ZNF418: variants seen among roughly 807,000 people sequenced by gnomAD.
ZNF418 encodes the protein zinc finger protein 418.
ZNF418 carries 32 observed loss-of-function variants against 32.0 expected under a neutral mutation model. The observed-to-expected ratio is 1.00, with a 90% CI of 0.75 to 1.34. The LOEUF is 1.34. Ranked by LOEUF, ZNF418 falls within the 40% of genes most tolerant of loss-of-function variation. ZNF418 has a pLI of 0.00. For missense variants in ZNF418, 804 were observed against 812.5 expected (o/e 0.99, Z 0.13); for synonymous variants, 276 against 270.7 (o/e 1.02, Z -0.19).
In ZNF418 at chr19:57,926,310, C is replaced by T. The variant is rs1347100737; in HGVS notation, c.1871G>A (p.Cys624Tyr). 1.1e-5 allele frequency: 18 copies of T among 1,612,298 alleles called. No homozygotes were observed. Among genetic ancestry groups the T allele is most frequent in the Non-Finnish European group, 1.5e-5 (18 of 1,179,234 alleles). The change falls in exon 4 of 6, where the codon TGT becomes TAT. Residue 624 changes from cysteine to tyrosine, a missense_variant. Cys to Tyr is a radical substitution (Grantham distance 194). Coordinates refer to ENST00000396147, the MANE Select transcript of ZNF418 (RefSeq NM_133460.3). ...TRGKPYECSECGKSFAETFSL... is the reference protein window; with the variant it reads ...TRGKPYECSEYGKSFAETFSL... ...GAAGGTTTCAGCAAAGGATTTCCCA[C>T]ATTCGCTGCACTCGTAAGGCTTTCC...
chr19:57,932,871 T>A (rs2072538094), intron 2 of ZNF418, among the ~76,000 whole-genome samples: 1 of 152,118 alleles, frequency 6.6e-6, no homozygotes, highest in Admixed American at 6.6e-5. Context: ...CTTCCTTCAA[T>A]TATTTCTATG....
chr19:57,931,570 C>G lies in ZNF418; in HGVS notation c.7-1016G>C, dbSNP rs78828231. On this transcript the variant is annotated intron_variant, in intron 2 of 5. Transcript: ENST00000396147. ...GCCCAACATGACATCCCCCAACCAT[C>G]AGCTTCTTTTGAGCCTTAACACAAA... Among the ~76,000 whole-genome samples, 926 of 152,318 alleles carry G rather than the reference C, an allele frequency of 6.1e-3. 4 individuals are homozygous for G. Among genetic ancestry groups the G allele is most frequent in the Non-Finnish European group, 1.0e-2 (678 of 68,032 alleles).
chr19:57,927,740 CACAA>C lies in ZNF418; in HGVS notation c.437_440del (p.Phe146Ter). 2 of 1,614,214 alleles carry C rather than the reference CACAA, an allele frequency of 1.2e-6. No individual in the cohort carries two copies. Among genetic ancestry groups the C allele is most frequent in the Non-Finnish European group, 8.5e-7 (1 of 1,180,044 alleles). On this transcript the variant is annotated frameshift_variant, in exon 4 of 6. Coordinates refer to ENST00000396147, the MANE Select transcript of ZNF418 (RefSeq NM_133460.3). LOFTEE classifies it high-confidence loss of function. ...CTGACACATGGAACTTACACCTCTT[CACAA>C]ACAATGCTTCCTCAACACTGCTTCT...
At chr19:57,929,410 C>T (rs1184107382) in intron 3 of ZNF418, among the ~76,000 whole-genome samples, 1 of 152,198 alleles carries the variant, frequency 6.6e-6, no homozygotes, top group African/African-American at 2.4e-5. Context: ...TCCATCCCAC[C>T]ATCACAATGA....
chr19:57,931,965 C>T (rs1286148916), intron 2 of ZNF418, among the ~76,000 whole-genome samples: 1 of 152,218 alleles, frequency 6.6e-6, no homozygotes, highest in Non-Finnish European at 1.5e-5. Flanking sequence ...CAATTGACAC[C>T]TGAGACTGTA....
At position 57,926,240 on chromosome 19, in the gene ZNF418, A is replaced by G. The variant is rs1446364608; in HGVS notation, c.1941T>C (p.Tyr647=). Residue 647 remains tyrosine, a synonymous_variant, in exon 4 of 6, where the codon TAT becomes TAC. Transcript: ENST00000396147. Reference sequence around the variant, plus strand: ...ATGATTTTCCACATTCACTGCACTCATAAGGCCTTTCTCCAGTGTGTACTC... The same window carrying G: ...ATGATTTTCCACATTCACTGCACTCGTAAGGCCTTTCTCCAGTGTGTACTC... ...HRRVHTGERP[Y]ECSECGKSFH... 1 of 1,613,924 alleles carries G rather than the reference A, an allele frequency of 6.2e-7. No homozygotes were observed. The highest frequency in any genetic ancestry group is 8.5e-7 in the Non-Finnish European group (1 of 1,179,916).
At position 57,926,324 on chromosome 19, in the gene ZNF418, G is replaced by T. The variant is rs140393627; in HGVS notation, c.1857C>A (p.Tyr619Ter). 6.2e-7 allele frequency: 1 copy of T among 1,610,272 alleles called. No homozygotes were observed. The highest frequency in any genetic ancestry group is 8.5e-7 in the Non-Finnish European group (1 of 1,178,166). ...AGGATTTCCCACATTCGCTGCACTC[G>T]TAAGGCTTTCCTCGAGTATGAAGTC... ...HQRLHTRGKP[Y>*]ECSECGKSFA... is the part of the protein sequence containing the mutation. The change falls in exon 4 of 6, where the codon TAC becomes TAA. Residue 619 changes from tyrosine (Y) to a stop codon, truncating the protein, a stop_gained. Transcript: ENST00000396147. LOFTEE classifies it low-confidence loss of function (END_TRUNC).
intron 2 of ZNF418, chr19:57,932,345 G>T: frequency 3.1e-6 from 4 of 1,275,678 alleles, no homozygotes; most frequent in Non-Finnish European, 4.4e-6. Flanking sequence ...ACATCACATT[G>T]GCCTTTCATT....
chr19:57,934,404 C>CG (rs1328446319), intron 1 of ZNF418: 1 of 181,204 alleles, frequency 5.5e-6, no homozygotes, highest in Non-Finnish European at 1.1e-5. Context: ...TTGTTAGAGA[C>CG]GGGGTTTCTC....
At chr19:57,930,595 T>C (rs1199053133) in intron 2 of ZNF418, 41 bp from the exon 3 acceptor site, 1 of 1,612,364 alleles carries the variant, frequency 6.2e-7, no homozygotes, top group Non-Finnish European at 8.5e-7. Flanking sequence ...ACAGCTCCTA[T>C]GCTGAGGTAC....
chr19:57,928,167 G>A lies in ZNF418; in HGVS notation c.134-120C>T. 5 of 892,306 alleles carry A rather than the reference G, an allele frequency of 5.6e-6. No individual in the cohort carries two copies. In the South Asian group the frequency reaches 7.8e-5, roughly 14 times the overall value. The allele number at this position is 892,306 out of a possible 1,614,324, so 55.3% of individuals were successfully genotyped here. ...ATGGAAATATTTGCAGGAACAGAAAGTTGGCTTCACGTGGAAGATGAGGCT... is the reference window on the plus strand; with the variant it reads ...ATGGAAATATTTGCAGGAACAGAAAATTGGCTTCACGTGGAAGATGAGGCT... On this transcript the variant is annotated intron_variant, in intron 3 of 5. Coordinates refer to ENST00000396147, the MANE Select transcript of ZNF418 (RefSeq NM_133460.3).
chr19:57,927,998 A>G lies in ZNF418; in HGVS notation c.183T>C (p.Ile61=), dbSNP rs369752024. 5 of 1,582,480 alleles carry G rather than the reference A, an allele frequency of 3.2e-6. No individual in the cohort carries two copies. Among genetic ancestry groups the G allele is most frequent in the Non-Finnish European group, 4.3e-6 (5 of 1,160,550 alleles). The part of the protein sequence containing the change: ...EDEEAPSKKS[I]SIQRVSQVST... The stretch of plus-strand genomic sequence containing the variant: ...TGACCTGAGACACTCTTTGTATAGA[A>G]ATGCTCTTCTTAGAAGGTGCCTCCT... Residue 61 remains isoleucine, a synonymous_variant, in exon 4 of 6, where the codon ATT becomes ATC. Transcript: ENST00000396147.
In ZNF418 at chr19:57,926,296, C is replaced by G; in HGVS notation, c.1885G>C (p.Ala629Pro). The change falls in exon 4 of 6, where the codon GCT becomes CCT. Residue 629 changes from alanine (A) to proline (P), a missense_variant. Coordinates refer to ENST00000396147, the MANE Select transcript of ZNF418 (RefSeq NM_133460.3). ...YECSECGKSFAETFSLTEHRR... is the reference protein window; with the variant it reads ...YECSECGKSFPETFSLTEHRR... ...TGTTCAGTAAGACTGAAGGTTTCAG[C>G]AAAGGATTTCCCACATTCGCTGCAC... is the stretch of plus-strand genomic sequence containing the variant. The G allele has an allele frequency of 6.3e-7, 1 of 1,597,922 alleles. No individual in the cohort carries two copies. Among genetic ancestry groups the G allele is most frequent in the Non-Finnish European group, 8.6e-7 (1 of 1,169,304 alleles).
rs1568540101 is a variant in ZNF418, at chr19:57,926,022, T to C, written c.*128A>G. ...TCTGCAGTGGGAGCTCTTCTGTATG[T>C]AATAAAACAAGACTTCTGCATAAAG... is the stretch of plus-strand genomic sequence containing the variant. On this transcript the variant is annotated 3_prime_UTR_variant, in exon 4 of 6. Coordinates refer to ENST00000396147, the MANE Select transcript of ZNF418 (RefSeq NM_133460.3). 1.3e-5 allele frequency: 10 copies of C among 781,802 alleles called. 1 individual carries two copies. The East Asian group carries it at 2.4e-4, about 19-fold the overall frequency. The allele number at this position is 781,802 out of a possible 1,614,324, so 48.4% of individuals were successfully genotyped here.
chr19:57,931,731 T>A (rs2072495624), intron 2 of ZNF418, among the ~76,000 whole-genome samples: 1 of 151,894 alleles, frequency 6.6e-6, no homozygotes, highest in Admixed American at 6.6e-5. Context: ...GGATCTTACG[T>A]ATGTGCAACA....
rs756500433 is a variant in ZNF418 at position 57,926,845 on chromosome 19, G to A, written c.1336C>T (p.Arg446Ter). 7.4e-6 allele frequency: 12 copies of A among 1,614,012 alleles called. No individual in the cohort carries two copies. The highest frequency in any genetic ancestry group is 5.0e-5 in the Admixed American group (3 of 60,008). ...SRKGNLIQHQ[R>*]SHTGERPYEC... is the part of the protein sequence containing the mutation. ...TAAGGCCTTTCTCCAGTGTGGCTTC[G>A]CTGATGCTGAATGAGGTTGCCCTTT... Residue 446 changes from arginine to a stop codon, truncating the protein, a stop_gained, in exon 4 of 6, where the codon CGA (arginine) becomes TGA (stop). Coordinates refer to ENST00000396147, the MANE Select transcript of ZNF418 (RefSeq NM_133460.3). LOFTEE classifies it low-confidence loss of function (END_TRUNC).
intron 1 of ZNF418, chr19:57,934,309 A>T (rs1402096447): frequency 4.2e-6 from 3 of 715,582 alleles, no homozygotes; most frequent in Non-Finnish European, 5.2e-6. Flanking sequence ...CTGCCTCCCG[A>T]GTTCAAGCAA....
intron 2 of ZNF418, 43 bp from the exon 3 acceptor site, chr19:57,930,597 C>G: frequency 6.2e-7 from 1 of 1,612,116 alleles, no homozygotes; most frequent in Non-Finnish European, 8.5e-7. Context: ...AGCTCCTATG[C>G]TGAGGTACCA....
chr19:57,930,545 C>T lies in ZNF418; in HGVS notation c.16G>A (p.Ala6Thr), dbSNP rs781763770. 3.7e-6 allele frequency: 6 copies of T among 1,613,932 alleles called. No individual in the cohort carries two copies. Among genetic ancestry groups the T allele is most frequent in the Non-Finnish European group, 2.5e-6 (3 of 1,180,020 alleles). The change falls in exon 3 of 6, where the codon GCA becomes ACA. Residue 6 changes from alanine (A) to threonine (T), a missense_variant. By Grantham distance (58) the Ala-to-Thr change is moderately conservative. Transcript: ENST00000396147. ...AAGTTCACAGCCACATCTTCAAATG[C>T]CACAGTGCCCTGCTATGATGGTGAC... Reference protein sequence around the residue: MQGTVAFEDVAVNFSQ... With the variant: MQGTVTFEDVAVNFSQ...
Sources: gnomAD v4.1 joint callset for allele counts (sites outside exome capture counted in the v4.1 genomes callset) on GRCh38, gnomAD v4.1.1 for gene constraint, MANE v1.5 for transcripts, NCBI Gene and HGNC (gene_info 2026-07-23, HGNC 2026-07-21) for gene names.